The following LEPR variants were observed in gnomAD, a reference collection of about 807,000 sequenced individuals.
The protein encoded by LEPR is leptin receptor.
A neutral mutation model predicts 114.7 loss-of-function variants in LEPR; 56 were observed. The observed-to-expected ratio is 0.49, with a 90% CI of 0.39 to 0.61. The LOEUF (loss-of-function observed/expected upper bound fraction) is 0.61. Ranked by LOEUF, LEPR falls within the 20% of genes least tolerant of loss-of-function variation. The pLI, the probability that LEPR is intolerant of heterozygous loss-of-function variation, is 0.00. For missense variants in LEPR, 1,202 were observed against 1,352.9 expected (o/e 0.89, Z 1.75); for synonymous variants, 443 against 461.4 (o/e 0.96, Z 0.51).
intron 2 of LEPR, among the ~76,000 whole-genome samples, chr1:65,506,755 G>A (rs558804795): frequency 6.6e-6 from 1 of 152,036 alleles, no homozygotes; most frequent in South Asian, 2.1e-4. Flanking sequence ...AGGCTAATTA[G>A]CATTATCAGT....
chr1:65,615,974 C>G, intron 14 of LEPR, 34 bp from the exon 15 acceptor site: 1 of 1,612,290 alleles, frequency 6.2e-7, no homozygotes, highest in Non-Finnish European at 8.5e-7. Flanking sequence ...AGCACTGCAG[C>G]CCTTAAACTA....
chr1:65,463,985 CT>C (rs1646978485), intron 2 of LEPR, among the ~76,000 whole-genome samples: 2 of 152,204 alleles, frequency 1.3e-5, no homozygotes, highest in Non-Finnish European at 1.5e-5. Flanking sequence ...GACAATTTGA[CT>C]TCCTCTTTTC....
At chr1:65,456,925 A>C (rs1646884182) in intron 2 of LEPR, among the ~76,000 whole-genome samples, 1 of 152,132 alleles carries the variant, frequency 6.6e-6, no homozygotes, top group Non-Finnish European at 1.5e-5. Flanking sequence ...TTTTTAATTA[A>C]ATACTTTACA....
At chr1:65,472,566 G>C (rs1386711081) in intron 2 of LEPR, among the ~76,000 whole-genome samples, 1 of 141,184 alleles carries the variant, frequency 7.1e-6, no homozygotes, top group Admixed American at 7.3e-5. Flanking sequence ...GATGTTTGAT[G>C]AAATATCAAT....
At chr1:65,483,165 C>T (rs1434214702) in intron 2 of LEPR, among the ~76,000 whole-genome samples, 2 of 151,658 alleles carry the variant, frequency 1.3e-5, no homozygotes, top group Admixed American at 1.3e-4. Flanking sequence ...GTAAGGACAG[C>T]AGAAAGCAGA....
chr1:65,630,657 A>G (rs1658479613), intron 19 of LEPR, among the ~76,000 whole-genome samples: 1 of 151,368 alleles, frequency 6.6e-6, no homozygotes, highest in African/African-American at 2.4e-5. Context: ...GATCTTCCAC[A>G]TCTCTTACCT....
chr1:65,547,442 T>C (rs1392004366), intron 2 of LEPR, among the ~76,000 whole-genome samples: 1 of 151,354 alleles, frequency 6.6e-6, no homozygotes, highest in Non-Finnish European at 1.5e-5. Flanking sequence ...GGTCCTGGAC[T>C]CTTTTTGGTT....
chr1:65,567,847 A>C (rs1653883121), intron 3 of LEPR, among the ~76,000 whole-genome samples: 1 of 140,980 alleles, frequency 7.1e-6, no homozygotes, highest in East Asian at 2.3e-4. Context: ...ATAACCCCCC[A>C]TTATCAACTA....
intron 2 of LEPR, among the ~76,000 whole-genome samples, chr1:65,442,412 A>G (rs751431488): frequency 6.6e-6 from 1 of 152,182 alleles, no homozygotes; most frequent in Non-Finnish European, 1.5e-5. Flanking sequence ...GCCTTTTCCA[A>G]CTAAACTAGT....
chr1:65,479,318 G>A (rs919896577), intron 2 of LEPR, among the ~76,000 whole-genome samples: 3 of 152,028 alleles, frequency 2.0e-5, no homozygotes, highest in African/African-American at 7.3e-5. Context: ...AATGATCATG[G>A]AACATTTATG....
chr1:65,565,213 C>A (rs186737733), intron 2 of LEPR, among the ~76,000 whole-genome samples: 3 of 152,274 alleles, frequency 2.0e-5, no homozygotes, highest in East Asian at 3.9e-4. Flanking sequence ...GTTAAATTAG[C>A]TGTTACATAT....
chr1:65,495,805 C>T (rs574045533), intron 2 of LEPR, among the ~76,000 whole-genome samples: 2 of 152,042 alleles, frequency 1.3e-5, no homozygotes, highest in Non-Finnish European at 2.9e-5. Context: ...AAGCACAGAA[C>T]GACACACACC....
chr1:65,424,120 G>C (rs951728625), intron 1 of LEPR, among the ~76,000 whole-genome samples: 3 of 152,114 alleles, frequency 2.0e-5, no homozygotes, highest in Non-Finnish European at 2.9e-5. Flanking sequence ...TCAAGATTTT[G>C]TAACAACCTT....
intron 2 of LEPR, among the ~76,000 whole-genome samples, chr1:65,425,949 T>C (rs926912617): frequency 2.6e-5 from 4 of 152,140 alleles, no homozygotes; most frequent in South Asian, 4.1e-4. Context: ...GCTACTGTTA[T>C]GGGAACTAGG....
At chr1:65,631,726 G>A (rs957339022) in intron 19 of LEPR, among the ~76,000 whole-genome samples, 2 of 152,100 alleles carry the variant, frequency 1.3e-5, no homozygotes, top group African/African-American at 4.8e-5. Flanking sequence ...AATGTGTTAT[G>A]ATAACTCATT....
chr1:65,467,259 T>C (rs972024329), intron 2 of LEPR, among the ~76,000 whole-genome samples: 14 of 152,342 alleles, frequency 9.2e-5, no homozygotes, highest in African/African-American at 2.6e-4. Context: ...TCCTTTCTGT[T>C]TGTTAGTTTT....
chr1:65,462,670 GACTTTTTAATGATCACCATTCTA>G (rs986521336), intron 2 of LEPR, among the ~76,000 whole-genome samples: 1 of 152,160 alleles, frequency 6.6e-6, no homozygotes, highest in African/African-American at 2.4e-5. Context: ...GTTGCTTCCT[GACTTTTTAATGATCACCATTCTA>G]ACTGGCATGA....
chr1:65,554,829 G>A (rs1652697428), intron 2 of LEPR, among the ~76,000 whole-genome samples: 1 of 152,102 alleles, frequency 6.6e-6, no homozygotes, highest in Admixed American at 6.5e-5. Flanking sequence ...TGAAACCCAG[G>A]GCCCTGGTGG....
intron 2 of LEPR, among the ~76,000 whole-genome samples, chr1:65,497,264 G>A (rs1648212232): frequency 6.6e-6 from 1 of 152,122 alleles, no homozygotes; most frequent in Admixed American, 6.6e-5. Flanking sequence ...AGCTGACCCT[G>A]AAAGAAAAGC....
Sources: gnomAD v4.1 joint callset for allele counts (sites outside exome capture counted in the v4.1 genomes callset) on GRCh38, gnomAD v4.1.1 for gene constraint, MANE v1.5 for transcripts, NCBI Gene and HGNC (gene_info 2026-07-23, HGNC 2026-07-21) for gene names.